PRPH2: variants seen among roughly 807,000 people sequenced by gnomAD.
The protein encoded by PRPH2 is peripherin-2.
PRPH2 carries 17 observed loss-of-function variants against 31.3 expected under a neutral mutation model. That is an observed-to-expected ratio of 0.54 (90% CI 0.37 to 0.81). PRPH2 has a LOEUF of 0.81. PRPH2 is among the 40% of genes least tolerant of loss of function. PRPH2 has a pLI of 0.00. For missense variants in PRPH2, 430 were observed against 439.7 expected (o/e 0.98, Z 0.20); for synonymous variants, 165 against 184.4 (o/e 0.89, Z 0.85).
rs1460435572 is a variant in PRPH2 at position 42,705,613 on chromosome 6, T to C, written c.582-1002A>G. On this transcript the variant is annotated intron_variant, in intron 1 of 2. Transcript: ENST00000230381. The stretch of plus-strand genomic sequence containing the variant: ...AAAAAAAAAAAAATATATATATATA[T>C]ATATATATATATATATATTTGTGCA... Among the ~76,000 whole-genome samples the C allele has an allele frequency of 8.1e-4, 94 of 115,582 alleles. 8 individuals carry two copies. Among genetic ancestry groups the C allele is most frequent in the Non-Finnish European group, 1.5e-3 (85 of 55,828 alleles). The allele number at this position is 115,582 out of a possible 152,430, so 75.8% of individuals were successfully genotyped here. A position where few individuals can be genotyped will look rare whatever the true frequency, so the allele number is the denominator to read the frequency against.
intron 1 of PRPH2, among the ~76,000 whole-genome samples, chr6:42,706,922 A>G (rs562160651): frequency 8.5e-4 from 127 of 150,186 alleles, no homozygotes; most frequent in South Asian, 2.1e-3. Flanking sequence ...TTAGAACATT[A>G]TATACATACT....
intron 2 of PRPH2, among the ~76,000 whole-genome samples, chr6:42,701,665 C>T (rs377252161): frequency 2.1e-5 from 3 of 143,188 alleles, no homozygotes; most frequent in African/African-American, 5.3e-5. Context: ...TATAGGCATG[C>T]GCCACCACGT....
rs973931180 is a variant in PRPH2 at position 42,704,531 on chromosome 6, G to A, written c.662C>T (p.Pro221Leu). 1.2e-6 allele frequency: 2 copies of A among 1,614,168 alleles called. No homozygotes were observed. The highest frequency in any genetic ancestry group is 1.7e-6 in the Non-Finnish European group (2 of 1,180,038). ...GTTGGTGATCTGATACTGGATGCAG[G>A]GCCGTGGCGAGCTAGGATTGCAGCA... ...FSCCNPSSPR[P>L]CIQYQITNNS... is the part of the protein sequence containing the mutation. The change falls in exon 2 of 3, where the codon CCC becomes CTC. Residue 221 changes from proline (P) to leucine (L), a missense_variant. Physicochemically the swap from Pro to Leu is moderately conservative, Grantham distance 98 (BLOSUM62 -3). Coordinates refer to ENST00000230381, the MANE Select transcript of PRPH2 (RefSeq NM_000322.5).
At chr6:42,704,273 G>A (rs942748898) in intron 2 of PRPH2, 92 bp downstream of exon 2, 3 of 1,506,754 alleles carry the variant, frequency 2.0e-6, no homozygotes, top group Non-Finnish European at 1.8e-6. Flanking sequence ...AAAGAGGGAG[G>A]CATGCTCTCC....
chr6:42,704,451 G>C lies in PRPH2; in HGVS notation c.742C>G (p.Arg248Gly), dbSNP rs1242254286. The C allele has an allele frequency of 6.2e-7, 1 of 1,612,908 alleles. No homozygotes were observed. Among genetic ancestry groups the C allele is most frequent in the Non-Finnish European group, 8.5e-7 (1 of 1,179,528 alleles). Residue 248 changes from arginine (R) to glycine (G), a missense_variant, in exon 2 of 3, where the codon CGT becomes GGT. Transcript: ENST00000230381. ...HQTEELNLWV[R>G]GCRAALLSYY... ...CTCAGCAGGGCAGCCCTGCAGCCAC[G>C]CACCCACAGGTTGAGCTCCTCCGTC...
At chr6:42,714,537 G>C (rs1227657498) in intron 1 of PRPH2, among the ~76,000 whole-genome samples, 3 of 152,094 alleles carry the variant, frequency 2.0e-5, no homozygotes, top group African/African-American at 7.2e-5. Context: ...TTTTGTTTGA[G>C]ACAGGGTCTC....
chr6:42,722,397 C>G lies in PRPH2; in HGVS notation c.-63G>C. On this transcript the variant is annotated 5_prime_UTR_variant, in exon 1 of 3. Transcript: ENST00000230381. This position sits in a 1 kb window ranked among gnomAD's most constrained non-coding sequence, Gnocchi z 4.4. ...AGCTCCCACCCCAAACCTTAACGAG[C>G]CCAGAGGCGGAGACTTAGGGCCTTG... The G allele has an allele frequency of 6.2e-7, 1 of 1,602,078 alleles. No individual in the cohort carries two copies. The highest frequency in any genetic ancestry group is 2.2e-5 in the East Asian group (1 of 44,810).
At chr6:42,709,874 C>A (rs1800242856) in intron 1 of PRPH2, among the ~76,000 whole-genome samples, 1 of 152,206 alleles carries the variant, frequency 6.6e-6, no homozygotes, top group African/African-American at 2.4e-5. Flanking sequence ...TCCTAGCCAC[C>A]ACCACCTACC....
intron 1 of PRPH2, among the ~76,000 whole-genome samples, chr6:42,718,172 G>A (rs2152009663): frequency 6.6e-6 from 1 of 152,042 alleles, no homozygotes; most frequent in South Asian, 2.1e-4. Flanking sequence ...TTAGCCAGAT[G>A]TGGTGGCTCA....
intron 1 of PRPH2, among the ~76,000 whole-genome samples, chr6:42,718,036 G>A (rs1349491167): frequency 1.3e-5 from 2 of 152,076 alleles, no homozygotes; most frequent in Admixed American, 6.6e-5. Context: ...GGCCAGGCAC[G>A]GTGGCTCATG....
chr6:42,722,298 G>A lies in PRPH2; in HGVS notation c.37C>T (p.Arg13Trp), dbSNP rs61754402. ...LLKVKFDQKK[R>W]VKLAQGLWLM... Reference sequence around the variant, plus strand: ...CAGAGCCCTTGGGCCAACTTGACCCGCTTCTTCTGGTCAAACTTGACTTTC... The same window carrying A: ...CAGAGCCCTTGGGCCAACTTGACCCACTTCTTCTGGTCAAACTTGACTTTC... The change falls in exon 1 of 3, where the codon CGG becomes TGG. Residue 13 changes from arginine to tryptophan, a missense_variant. Coordinates refer to ENST00000230381, the MANE Select transcript of PRPH2 (RefSeq NM_000322.5). This position sits in a 1 kb window ranked among gnomAD's most constrained non-coding sequence, Gnocchi z 4.4. 4.6e-4 allele frequency: 746 copies of A among 1,613,962 alleles called. 1 individual carries two copies. The highest frequency in any genetic ancestry group is 3.1e-3 in the South Asian group (281 of 91,082).
At position 42,716,226 on chromosome 6, in the gene PRPH2, T is replaced by C. The variant is rs563844232; in HGVS notation, c.581+5528A>G. ...AAAGAGGCTCACCCGAACCTCTTTG[T>C]TGGCTCATCCAAATTTGATGGGGAG... On this transcript the variant is annotated intron_variant, in intron 1 of 2. Transcript: ENST00000230381. Among the ~76,000 whole-genome samples, 42 of 152,026 alleles carry C rather than the reference T, an allele frequency of 2.8e-4. 1 individual carries two copies. The South Asian group carries it at 3.7e-3, about 14-fold the overall frequency.
chr6:42,702,056 C>T (rs542566088), intron 2 of PRPH2, among the ~76,000 whole-genome samples: 38 of 152,068 alleles, frequency 2.5e-4, no homozygotes, highest in African/African-American at 8.9e-4. Flanking sequence ...GCCCAGCCAA[C>T]ATGGTCAAAC....
At chr6:42,719,267 C>G (rs1419776363) in intron 1 of PRPH2, among the ~76,000 whole-genome samples, 3 of 151,316 alleles carry the variant, frequency 2.0e-5, no homozygotes, top group African/African-American at 7.3e-5. Flanking sequence ...CTCCCTGCTT[C>G]TCTGGTTCAA....
At chr6:42,713,012 G>A (rs996758306) in intron 1 of PRPH2, among the ~76,000 whole-genome samples, 1 of 151,754 alleles carries the variant, frequency 6.6e-6, no homozygotes. Context: ...ATCACCTGAG[G>A]TCAGGAGTTC....
intron 1 of PRPH2, among the ~76,000 whole-genome samples, chr6:42,709,097 G>A (rs1189471067): frequency 6.6e-6 from 1 of 152,080 alleles, no homozygotes; most frequent in Non-Finnish European, 1.5e-5. Flanking sequence ...TTGGGAGGCT[G>A]AGGTGGGCAG....
intron 2 of PRPH2, among the ~76,000 whole-genome samples, chr6:42,702,265 C>T (rs920020432): frequency 6.6e-6 from 1 of 151,386 alleles, no homozygotes; most frequent in Non-Finnish European, 1.5e-5. Flanking sequence ...AGGCGGCTTC[C>T]TGGACATACA....
intron 1 of PRPH2, among the ~76,000 whole-genome samples, chr6:42,717,253 A>C (rs867537967): frequency 4.0e-5 from 6 of 151,644 alleles, no homozygotes; most frequent in African/African-American, 1.5e-4. Flanking sequence ...TCTCTACTAA[A>C]AATACAAAAA....
At chr6:42,717,981 C>T (rs1266911579) in intron 1 of PRPH2, among the ~76,000 whole-genome samples, 1 of 152,078 alleles carries the variant, frequency 6.6e-6, no homozygotes. Flanking sequence ...GCTTGGCCAA[C>T]GTGGTGAAAC....
Sources: allele counts gnomAD v4.1 joint callset (sites outside exome capture counted in the v4.1 genomes callset), GRCh38; gene constraint gnomAD v4.1.1; non-coding constraint Gnocchi (gnomAD v3.1); transcripts MANE v1.5; gene names NCBI Gene and HGNC (gene_info 2026-07-23, HGNC 2026-07-21).